The following PRKN variants were observed in gnomAD, a reference collection of about 807,000 sequenced individuals.
The protein encoded by PRKN is E3 ubiquitin-protein ligase parkin.
A neutral mutation model predicts 59.5 loss-of-function variants in PRKN; 56 were observed. That is an observed-to-expected ratio of 0.94 (90% confidence interval 0.76 to 1.18). PRKN has a LOEUF of 1.18. PRKN is among the 50% of genes most tolerant of loss of function. The probability of loss-of-function intolerance (pLI) is 0.00; values close to 1 mark genes in which losing one functional copy is unlikely to be tolerated. For missense variants in PRKN, 657 were observed against 596.4 expected, an observed-to-expected ratio of 1.10 and a Z score of -1.06; for synonymous variants, 250 against 222.1, an observed-to-expected ratio of 1.13 and a Z score of -1.12.
At chr6:162,494,903 A>G (rs556480915) in intron 1 of PRKN, among the ~76,000 whole-genome samples, 2 of 152,344 alleles carry the variant, frequency 1.3e-5, no homozygotes, top group South Asian at 2.1e-4. Context: ...TATTTTTATT[A>G]GAGACCAGAA....
At chr6:161,712,646 C>T (rs777578654) in intron 7 of PRKN, among the ~76,000 whole-genome samples, 1 of 152,058 alleles carries the variant, frequency 6.6e-6, no homozygotes, top group East Asian at 1.9e-4. Context: ...CTAAGTTCTT[C>T]TGTAAGAAAC....
At chr6:162,517,148 G>T (rs1358019631) in intron 1 of PRKN, among the ~76,000 whole-genome samples, 2 of 150,592 alleles carry the variant, frequency 1.3e-5, no homozygotes, top group African/African-American at 4.9e-5. Flanking sequence ...TTAGACTCTT[G>T]TGGGGAGCTT....
intron 7 of PRKN, among the ~76,000 whole-genome samples, chr6:161,728,010 G>T (rs1787517596): frequency 6.6e-6 from 1 of 152,118 alleles, no homozygotes; most frequent in Non-Finnish European, 1.5e-5. Flanking sequence ...TGGTATTCCA[G>T]TGGAAGATGC....
chr6:162,277,803 A>G (rs192199156), intron 2 of PRKN, among the ~76,000 whole-genome samples: 325 of 152,308 alleles, frequency 2.1e-3, no homozygotes, highest in Non-Finnish European at 2.8e-3. Context: ...GTGGAATAAC[A>G]GAACTCTCGT....
chr6:161,902,754 G>T (rs371335195), intron 6 of PRKN, among the ~76,000 whole-genome samples: 1 of 151,654 alleles, frequency 6.6e-6, no homozygotes, highest in African/African-American at 2.4e-5. Flanking sequence ...ACTGAGTTTC[G>T]CCATGTTGGC....
At chr6:162,401,843 G>A (rs1787808514) in intron 2 of PRKN, among the ~76,000 whole-genome samples, 1 of 152,166 alleles carries the variant, frequency 6.6e-6, no homozygotes, top group South Asian at 2.1e-4. Flanking sequence ...TCAAAATTGA[G>A]TCAAGACAGG....
intron 7 of PRKN, among the ~76,000 whole-genome samples, chr6:161,777,400 A>G (rs575131488): frequency 6.6e-6 from 1 of 152,126 alleles, no homozygotes; most frequent in Admixed American, 6.6e-5. Flanking sequence ...TTGTCAATGA[A>G]AAAGATTGGT....
intron 6 of PRKN, among the ~76,000 whole-genome samples, chr6:161,819,762 G>C (rs1363929335): frequency 6.6e-6 from 1 of 152,058 alleles, no homozygotes; most frequent in Admixed American, 6.5e-5. Flanking sequence ...ATTTTAAAGC[G>C]AATCTCAAAG....
chr6:162,664,161 G>C (rs550613914), intron 1 of PRKN, among the ~76,000 whole-genome samples: 1 of 152,228 alleles, frequency 6.6e-6, no homozygotes, highest in East Asian at 1.9e-4. Context: ...TTCTCTTCCT[G>C]TGTTAGTTTG....
intron 10 of PRKN, among the ~76,000 whole-genome samples, chr6:161,366,464 A>G (rs1309349827): frequency 6.6e-6 from 1 of 152,218 alleles, no homozygotes; most frequent in Non-Finnish European, 1.5e-5. Flanking sequence ...CCCTAGGAAA[A>G]GACCAAAATG....
At chr6:162,314,527 G>A (rs1044927751) in intron 2 of PRKN, among the ~76,000 whole-genome samples, 6 of 152,034 alleles carry the variant, frequency 3.9e-5, no homozygotes, top group Admixed American at 2.6e-4. Flanking sequence ...GCTAAAGACC[G>A]TGGGCACATC....
At position 161,529,847 on chromosome 6, in the gene PRKN, T is replaced by C. The variant is rs1779141086; in HGVS notation, c.1083+19007A>G. Reference sequence around the variant, plus strand: ...GAAGTGGAGATTTAATTGCTTACATTTTGATGATGAAGAAAAATACCACTT... The same window carrying C: ...GAAGTGGAGATTTAATTGCTTACATCTTGATGATGAAGAAAAATACCACTT... On this transcript the variant is annotated intron_variant, in intron 9 of 11. Transcript: ENST00000366898. The surrounding 1 kb of genome is among the most constrained non-coding windows in gnomAD (Gnocchi z 4.4). Among the ~76,000 whole-genome samples, 1 of 152,186 alleles carries C rather than the reference T, an allele frequency of 6.6e-6. No individual in the cohort carries two copies. The highest frequency in any genetic ancestry group is 1.5e-5 in the Non-Finnish European group (1 of 68,036).
chr6:161,996,537 C>T (rs1037210468), intron 5 of PRKN, among the ~76,000 whole-genome samples: 13 of 152,184 alleles, frequency 8.5e-5, no homozygotes, highest in South Asian at 6.2e-4. Context: ...AATTAATTTG[C>T]GTCTTTATTT....
chr6:161,812,079 CAAAATT>C (rs935922839), intron 6 of PRKN, among the ~76,000 whole-genome samples: 10 of 152,074 alleles, frequency 6.6e-5, no homozygotes, highest in Middle Eastern at 3.4e-3. Context: ...TGGACTTCAT[CAAAATT>C]AAAATTAAAA....
rs1787014382 is a variant in PRKN, at chr6:161,400,780, T to TG, written c.1084-13904dup. 6.6e-6 allele frequency among the ~76,000 whole-genome samples: 1 copy of TG among 152,074 alleles called. No individual in the cohort carries two copies. Among genetic ancestry groups the TG allele is most frequent in the East Asian group, 1.9e-4 (1 of 5,190 alleles). On this transcript the variant is annotated intron_variant, in intron 9 of 11. Transcript: ENST00000366898. The surrounding 1 kb of genome is among the most constrained non-coding windows in gnomAD (Gnocchi z 4.2). ...AAAATCAGTCAAATTAAAGAAAATA[T>TG]GAGGCGTAACTGCCCTGCAGTGAGA... is the stretch of plus-strand genomic sequence containing the variant.
intron 1 of PRKN, among the ~76,000 whole-genome samples, chr6:162,481,036 T>A (rs181107899): frequency 1.3e-5 from 2 of 152,048 alleles, no homozygotes; most frequent in Non-Finnish European, 2.9e-5. Context: ...GTTGGCCAGC[T>A]TGTCCCAAAC....
chr6:162,155,363 C>T (rs905443468), intron 4 of PRKN, among the ~76,000 whole-genome samples: 6 of 152,098 alleles, frequency 3.9e-5, no homozygotes, highest in African/African-American at 1.2e-4. Context: ...AATCCTGATT[C>T]GTCTAATACA....
intron 1 of PRKN, among the ~76,000 whole-genome samples, chr6:162,721,010 T>C (rs1167305480): frequency 3.3e-5 from 5 of 152,208 alleles, no homozygotes; most frequent in African/African-American, 9.6e-5. Context: ...ATTAATCTAT[T>C]CTACAAAAAT....
intron 2 of PRKN, among the ~76,000 whole-genome samples, chr6:162,266,983 A>G (rs991528261): frequency 1.3e-5 from 2 of 152,030 alleles, no homozygotes; most frequent in African/African-American, 4.8e-5. Flanking sequence ...CTAAAAATCG[A>G]TACAAAAAAA....
Sources: allele counts gnomAD v4.1 joint callset (sites outside exome capture counted in the v4.1 genomes callset), GRCh38; gene constraint gnomAD v4.1.1; non-coding constraint Gnocchi (gnomAD v3.1); transcripts MANE v1.5; gene names NCBI Gene and HGNC (gene_info 2026-07-23, HGNC 2026-07-21).